The following SANBR variants were observed in gnomAD, a reference collection of about 807,000 sequenced individuals.
SANBR encodes the protein SANT and BTB domain regulator of CSR.
A neutral mutation model predicts 101.8 loss-of-function variants in SANBR; 77 were observed. The observed-to-expected ratio is 0.76, with a 90% CI of 0.63 to 0.91. The LOEUF is 0.91. SANBR is among the 40% of genes least tolerant of loss of function. The pLI is 0.00. For missense variants in SANBR, 875 were observed against 853.0 expected (o/e 1.03, Z -0.32); for synonymous variants, 279 against 274.7 (o/e 1.02, Z -0.15).
At position 61,077,072 on chromosome 2, in the gene SANBR, A is replaced by T; in HGVS notation, c.584A>T (p.His195Leu). Residue 195 changes from histidine (H) to leucine (L), a missense_variant, in exon 6 of 22, where the codon CAT becomes CTT. His to Leu is a moderately conservative substitution (Grantham distance 99, BLOSUM62 -3). Transcript: ENST00000402291. ...TGGGAAGAGGTGGACATTTCAGTTC[A>T]TTGCGACGTTCACATTTTCAACTGG... ...QRWEEVDISV[H>L]CDVHIFNWLI... The T allele has an allele frequency of 1.2e-6, 2 of 1,614,170 alleles. No homozygotes were observed. The highest frequency in any genetic ancestry group is 1.1e-5 in the South Asian group (1 of 91,088).
At chr2:61,104,318 T>TA (rs1334373680) in intron 13 of SANBR, among the ~76,000 whole-genome samples, 5 of 151,868 alleles carry the variant, frequency 3.3e-5, no homozygotes, top group African/African-American at 9.7e-5. Flanking sequence ...CCATCTCTAC[T>TA]AAAACTACAA....
At chr2:61,071,377 C>T (rs13413699) in intron 3 of SANBR, among the ~76,000 whole-genome samples, 26,750 of 151,760 alleles carry the variant, frequency 0.18, 2,704 homozygotes, top group Middle Eastern at 0.31. Context: ...AGTGAAACCC[C>T]GTCTCTAGTA....
intron 6 of SANBR, among the ~76,000 whole-genome samples, chr2:61,080,607 G>T (rs1682065368): frequency 6.6e-6 from 1 of 151,876 alleles, no homozygotes; most frequent in Non-Finnish European, 1.5e-5. Context: ...TGTAGTCCCA[G>T]CTACTCAGGA....
chr2:61,132,617 C>A (rs375371047), intron 20 of SANBR, among the ~76,000 whole-genome samples: 24 of 152,224 alleles, frequency 1.6e-4, no homozygotes, highest in African/African-American at 5.8e-4. Context: ...GTCAGCTCTT[C>A]AAAAAGTTAA....
chr2:61,097,463 C>A (rs1407387535), intron 11 of SANBR, among the ~76,000 whole-genome samples: 1 of 152,028 alleles, frequency 6.6e-6, no homozygotes, highest in Non-Finnish European at 1.5e-5. Context: ...TCATCACCAT[C>A]ATCCAATTTT....
intron 5 of SANBR, among the ~76,000 whole-genome samples, chr2:61,073,984 AGTTTTGTATT>A (rs1681623685): frequency 1.1e-5 from 1 of 94,046 alleles, no homozygotes; most frequent in East Asian, 2.7e-4. Flanking sequence ...AGTTTTGTAT[AGTTTTGTATT>A]GTTTTGCCTA....
At position 61,088,439 on chromosome 2, in the gene SANBR, A is replaced by C; in HGVS notation, c.1059A>C (p.Arg353=). 1 of 1,608,768 alleles carries C rather than the reference A, an allele frequency of 6.2e-7. No homozygotes were observed. The change falls in exon 10 of 22, where the codon CGA becomes CGC. Residue 353 remains arginine (R), a synonymous_variant. Coordinates refer to ENST00000402291, the MANE Select transcript of SANBR (RefSeq NM_001129993.3). ...PCIPGKINVD[R]RGNIVYIHIR... is the part of the protein sequence containing the mutation. ...TTCCTGGAAAAATCAATGTGGATCG[A>C]CGTGGAAATATTGTCTATATTCACA...
Position 61,112,616 on chromosome 2 carries a change from C to T in SANBR, c.1744+3320C>T, listed in dbSNP as rs548672016. 2.0e-5 allele frequency among the ~76,000 whole-genome samples: 3 copies of T among 152,226 alleles called. No homozygotes were observed. In the East Asian group the frequency reaches 5.8e-4, roughly 29 times the overall value. The stretch of plus-strand genomic sequence containing the variant: ...TCCAGCGATTCTTCTGCCTCAGCCT[C>T]CCGAGTAGCTGGGATTACAGGTGTG... On this transcript the variant is annotated intron_variant, in intron 16 of 21. Coordinates refer to ENST00000402291, the MANE Select transcript of SANBR (RefSeq NM_001129993.3).
At chr2:61,130,929 CAAAAAAAAAAAA>C (rs59171411) in intron 20 of SANBR, among the ~76,000 whole-genome samples, 10 of 13,230 alleles carry the variant, frequency 7.6e-4, no homozygotes, top group Admixed American at 1.6e-3. Flanking sequence ...GACTCTGTCT[CAAAAAAAAAAAA>C]AAAAAAAAAA....
Position 61,077,044 on chromosome 2 carries a change from C to T in SANBR, c.556C>T (p.Arg186Cys), listed in dbSNP as rs546911630. 8.1e-6 allele frequency: 13 copies of T among 1,613,862 alleles called. 1 individual carries two copies. The South Asian group carries it at 1.1e-4, about 14-fold the overall frequency. ...TGAATATTTATCTATGGATGCCCAG[C>T]GCTGGGAAGAGGTGGACATTTCAGT... The part of the protein sequence containing the change: ...FAEYLSMDAQ[R>C]WEEVDISVHC... Residue 186 changes from arginine to cysteine, a missense_variant, in exon 6 of 22, where the codon CGC becomes TGC. By Grantham distance (180) the Arg-to-Cys change is radical (BLOSUM62 -3). Transcript: ENST00000402291.
chr2:61,088,484 A>G lies in SANBR; in HGVS notation c.1088+16A>G. ...TTCACATAAGGTGTCGTGAAGATAA[A>G]ATACATACATGTATTTTTGTATATA... On this transcript the variant is annotated intron_variant, in intron 10 of 21. Transcript: ENST00000402291. The G allele has an allele frequency of 6.7e-7, 1 of 1,498,258 alleles. No homozygotes were observed. The highest frequency in any genetic ancestry group is 9.2e-7 in the Non-Finnish European group (1 of 1,092,888). The allele number at this position is 1,498,258 out of a possible 1,614,324, so 92.8% of individuals were successfully genotyped here.
chr2:61,130,417 A>G (rs1262723038), intron 20 of SANBR, among the ~76,000 whole-genome samples: 1 of 152,192 alleles, frequency 6.6e-6, no homozygotes, highest in African/African-American at 2.4e-5. Flanking sequence ...GTCCAACACT[A>G]CCTACAAAGA....
chr2:61,136,921 G>T (rs1176306035), intron 21 of SANBR, among the ~76,000 whole-genome samples: 1 of 151,772 alleles, frequency 6.6e-6, no homozygotes, highest in Non-Finnish European at 1.5e-5. Context: ...AGTGAGCCGA[G>T]ATCACGCCAC....
At chr2:61,112,655 G>C (rs1683888215) in intron 16 of SANBR, among the ~76,000 whole-genome samples, 1 of 151,878 alleles carries the variant, frequency 6.6e-6, no homozygotes, top group African/African-American at 2.4e-5. Flanking sequence ...CACCACACTG[G>C]GCTACTTTTT....
rs543907177 is a variant in SANBR, at chr2:61,111,030, T to C, written c.1744+1734T>C. ...GCCATCAGTAGATGGTAGTCAGACA[T>C]GGGACATTCTCTTAGAGAATTGAAT... On this transcript the variant is annotated intron_variant, in intron 16 of 21. Coordinates refer to ENST00000402291, the MANE Select transcript of SANBR (RefSeq NM_001129993.3). Among the ~76,000 whole-genome samples the C allele has an allele frequency of 5.9e-5, 9 of 152,218 alleles. No individual in the cohort carries two copies. In the South Asian group the frequency reaches 1.9e-3, roughly 32 times the overall value.
At chr2:61,136,611 A>G (rs1241347023) in intron 21 of SANBR, among the ~76,000 whole-genome samples, 1 of 151,660 alleles carries the variant, frequency 6.6e-6, no homozygotes, top group Non-Finnish European at 1.5e-5. Context: ...CCTGGGCGAC[A>G]GAGCGAGACT....
intron 16 of SANBR, among the ~76,000 whole-genome samples, chr2:61,112,498 T>A (rs1430792415): frequency 2.0e-5 from 3 of 151,962 alleles, no homozygotes; most frequent in African/African-American, 7.3e-5. Flanking sequence ...AATTTTCTTT[T>A]TTTTTTCTTT....
chr2:61,086,773 ATTATGT>A (rs1366062117), intron 8 of SANBR, among the ~76,000 whole-genome samples: 2 of 152,184 alleles, frequency 1.3e-5, no homozygotes, highest in Non-Finnish European at 2.9e-5. Context: ...GAGATACTAG[ATTATGT>A]TTATATGCTG....
rs141552457 is a variant in SANBR, at chr2:61,077,045, G to C, written c.557G>C (p.Arg186Pro). The change falls in exon 6 of 22, where the codon CGC (arginine) becomes CCC (proline). Residue 186 changes from arginine (R) to proline (P), a missense_variant. Transcript: ENST00000402291. ...FAEYLSMDAQ[R>P]WEEVDISVHC... ...GAATATTTATCTATGGATGCCCAGC[G>C]CTGGGAAGAGGTGGACATTTCAGTT... 3 of 1,613,784 alleles carry C rather than the reference G, an allele frequency of 1.9e-6. No individual in the cohort carries two copies. Among genetic ancestry groups the C allele is most frequent in the South Asian group, 2.2e-5 (2 of 91,082 alleles).
Sources: allele counts gnomAD v4.1 joint callset (sites outside exome capture counted in the v4.1 genomes callset), GRCh38; gene constraint gnomAD v4.1.1; transcripts MANE v1.5; gene names NCBI Gene and HGNC (gene_info 2026-07-23, HGNC 2026-07-21).